The following CDK6 variants were observed in gnomAD, a reference collection of about 807,000 sequenced individuals.
The protein encoded by CDK6 is cyclin-dependent kinase 6.
Under a neutral mutation model 37.1 loss-of-function variants are expected in CDK6, and 6 were observed. That is an observed-to-expected ratio of 0.16 (90% CI 0.09 to 0.32). The LOEUF is 0.32. Ranked by LOEUF, CDK6 falls within the 10% of genes least tolerant of loss-of-function variation. CDK6 has a pLI of 1.00. For missense variants in CDK6, 224 were observed against 418.9 expected, an observed-to-expected ratio of 0.53 and a Z score of 4.06; for synonymous variants, 160 against 161.3, an observed-to-expected ratio of 0.99 and a Z score of 0.06.
intron 3 of CDK6, among the ~76,000 whole-genome samples, chr7:92,740,052 C>CT (rs1446354603): frequency 6.6e-6 from 1 of 152,184 alleles, no homozygotes; most frequent in Non-Finnish European, 1.5e-5. Context: ...GCCACCATGC[C>CT]TAGCCCTAAG....
rs531162779 is a variant in CDK6 at position 92,608,624 on chromosome 7, G to A, written c.*6516C>T. On this transcript the variant is annotated 3_prime_UTR_variant, in exon 8 of 8. Transcript: ENST00000424848. Reference sequence around the variant, plus strand: ...GTAGACAGCTTCACACAGGGCAGCTGCTACCGCATCTCTTTTTACCCGAAC... The same window carrying A: ...GTAGACAGCTTCACACAGGGCAGCTACTACCGCATCTCTTTTTACCCGAAC... 4.2e-4 allele frequency: 98 copies of A among 232,124 alleles called. No homozygotes were observed. The highest frequency in any genetic ancestry group is 2.5e-3 in the Middle Eastern group (2 of 806). The allele number at this position is 232,124 out of a possible 1,614,324, so 14.4% of individuals were successfully genotyped here. A position where few individuals can be genotyped will look rare whatever the true frequency, so the allele number is the denominator to read the frequency against.
chr7:92,671,873 T>C (rs1005358633), intron 4 of CDK6, among the ~76,000 whole-genome samples: 2 of 151,108 alleles, frequency 1.3e-5, no homozygotes, highest in African/African-American at 4.9e-5. Context: ...AAATAATACA[T>C]GGAAAACAGG....
At chr7:92,812,267 G>A (rs1440394296) in intron 2 of CDK6, among the ~76,000 whole-genome samples, 1 of 152,196 alleles carries the variant, frequency 6.6e-6, no homozygotes, top group Non-Finnish European at 1.5e-5. Flanking sequence ...ATGGGGTTAA[G>A]ACACATAGTC....
chr7:92,793,499 G>T (rs1380647570), intron 2 of CDK6, among the ~76,000 whole-genome samples: 2 of 152,038 alleles, frequency 1.3e-5, no homozygotes, highest in Non-Finnish European at 2.9e-5. Context: ...ATTCACTCAG[G>T]AAAGAATAAT....
At chr7:92,797,230 C>T (rs1043713833) in intron 2 of CDK6, among the ~76,000 whole-genome samples, 1 of 152,144 alleles carries the variant, frequency 6.6e-6, no homozygotes. Flanking sequence ...AGACATTAAT[C>T]TCATCAGCTA....
At chr7:92,772,622 C>T (rs1350031198) in intron 3 of CDK6, among the ~76,000 whole-genome samples, 1 of 152,174 alleles carries the variant, frequency 6.6e-6, no homozygotes, top group Non-Finnish European at 1.5e-5. Flanking sequence ...CCAGCTCCAT[C>T]CTGGCTCAGC....
chr7:92,774,256 T>C (rs1380355197), intron 3 of CDK6, among the ~76,000 whole-genome samples: 3 of 152,164 alleles, frequency 2.0e-5, no homozygotes, highest in Non-Finnish European at 4.4e-5. Flanking sequence ...CAGATTCACA[T>C]AGCATAGGTT....
chr7:92,669,508 T>C (rs1797029196), intron 5 of CDK6, among the ~76,000 whole-genome samples: 1 of 152,238 alleles, frequency 6.6e-6, no homozygotes, highest in Non-Finnish European at 1.5e-5. Context: ...GAGACTATTC[T>C]AGACACATAA....
At chr7:92,742,079 A>G (rs2115635898) in intron 3 of CDK6, among the ~76,000 whole-genome samples, 1 of 152,342 alleles carries the variant, frequency 6.6e-6, no homozygotes, top group South Asian at 2.1e-4. Context: ...AATGATACAA[A>G]TAAGTACTGG....
intron 2 of CDK6, among the ~76,000 whole-genome samples, chr7:92,803,188 T>C (rs1013587246): frequency 1.3e-5 from 2 of 152,188 alleles, no homozygotes; most frequent in African/African-American, 4.8e-5. Flanking sequence ...AAGCACTTAT[T>C]AAGTACTTGC....
rs369794736 is a variant in CDK6, at chr7:92,708,027, C to T, written c.537+17599G>A. Among the ~76,000 whole-genome samples the T allele has an allele frequency of 2.6e-5, 4 of 152,068 alleles. No homozygotes were observed. The East Asian group carries it at 7.7e-4, about 29-fold the overall frequency. The stretch of plus-strand genomic sequence containing the variant: ...ATATCTAATTTCTAAACTTGTTATT[C>T]TTTAGGAATAGTGAGGGAAGACGGG... On this transcript the variant is annotated intron_variant, in intron 4 of 7. Coordinates refer to ENST00000424848, the MANE Select transcript of CDK6 (RefSeq NM_001145306.2).
chr7:92,783,214 T>C (rs1285273391), intron 2 of CDK6, among the ~76,000 whole-genome samples: 1 of 152,092 alleles, frequency 6.6e-6, no homozygotes, highest in Non-Finnish European at 1.5e-5. Context: ...AAGAACTCAA[T>C]GGTAAGAGGA....
At chr7:92,689,875 T>C (rs1414523408) in intron 4 of CDK6, among the ~76,000 whole-genome samples, 1 of 152,240 alleles carries the variant, frequency 6.6e-6, no homozygotes, top group Non-Finnish European at 1.5e-5. Flanking sequence ...ATTTCTCTAA[T>C]GATCAGTGAT....
At chr7:92,710,953 G>C (rs1240184659) in intron 4 of CDK6, 16 of 731,318 alleles carry the variant, frequency 2.2e-5, no homozygotes, top group Admixed American at 6.3e-5. Flanking sequence ...GAAAGCGCCA[G>C]CAAAGGCAAT....
At chr7:92,635,877 G>A (rs1405862051) in intron 5 of CDK6, among the ~76,000 whole-genome samples, 2 of 152,120 alleles carry the variant, frequency 1.3e-5, no homozygotes, top group African/African-American at 4.8e-5. Context: ...CCTTATTTAG[G>A]TGAGGACTAT....
chr7:92,672,533 C>A (rs902664820), intron 4 of CDK6, among the ~76,000 whole-genome samples: 11 of 151,310 alleles, frequency 7.3e-5, no homozygotes, highest in Non-Finnish European at 1.5e-4. Flanking sequence ...ACAAACACAA[C>A]AATTTTTCCT....
intron 5 of CDK6, among the ~76,000 whole-genome samples, chr7:92,635,480 A>G (rs993969106): frequency 3.3e-5 from 5 of 152,230 alleles, no homozygotes; most frequent in African/African-American, 1.2e-4. Flanking sequence ...GTCGTACTCC[A>G]TATCATGGAA....
intron 5 of CDK6, among the ~76,000 whole-genome samples, chr7:92,640,482 G>A (rs542285096): frequency 2.3e-4 from 35 of 152,246 alleles, no homozygotes; most frequent in African/African-American, 7.0e-4. Context: ...ATCCCAACTT[G>A]GAGCTTCCCG....
At chr7:92,690,488 T>C (rs557155373) in intron 4 of CDK6, among the ~76,000 whole-genome samples, 59 of 152,316 alleles carry the variant, frequency 3.9e-4, no homozygotes, top group African/African-American at 1.1e-3. Flanking sequence ...GTGTCTGTTT[T>C]TGTACCAGTG....
Sources: allele counts gnomAD v4.1 joint callset (sites outside exome capture counted in the v4.1 genomes callset), GRCh38; gene constraint gnomAD v4.1.1; transcripts MANE v1.5; gene names NCBI Gene and HGNC (gene_info 2026-07-23, HGNC 2026-07-21).